DYSF: variants seen among roughly 807,000 people sequenced by gnomAD.
DYSF encodes dystrophy-associated fer-1-like 1.
A neutral mutation model predicts 274.9 loss-of-function variants in DYSF; 212 were observed. The observed-to-expected ratio is 0.77, with a 90% CI of 0.69 to 0.86. The LOEUF is 0.86. Ranked by LOEUF, DYSF falls within the 40% of genes least tolerant of loss-of-function variation. The pLI, the probability that DYSF is intolerant of heterozygous loss-of-function variation, is 0.00. For missense variants in DYSF, 2,666 were observed against 2,783.2 expected, an observed-to-expected ratio of 0.96 and a Z score of 0.95; for synonymous variants, 1,091 against 1,078.7, an observed-to-expected ratio of 1.01 and a Z score of -0.22.
At chr2:71,485,864 A>G (rs2083316976) in intron 3 of DYSF, among the ~76,000 whole-genome samples, 2 of 152,168 alleles carry the variant, frequency 1.3e-5, no homozygotes, top group African/African-American at 4.8e-5. Context: ...CCCAGGCTGC[A>G]GTGCAGTGGT....
intron 13 of DYSF, 70 bp downstream of exon 13, chr2:71,526,416 G>GGGGGGGGGT (rs2152748908): frequency 1.9e-6 from 1 of 513,688 alleles, no homozygotes; most frequent in Non-Finnish European, 3.7e-6. Flanking sequence ...GGGGGTGGGC[G>GGGGGGGGGT]ATGGCGGGCG....
At chr2:71,539,842 C>G (rs2089758004) in intron 17 of DYSF, among the ~76,000 whole-genome samples, 1 of 152,146 alleles carries the variant, frequency 6.6e-6, no homozygotes, top group South Asian at 2.1e-4. Context: ...TGATACTTGA[C>G]AATACAACAT....
chr2:71,456,679 G>A, intron 1 of DYSF, among the ~76,000 whole-genome samples: 1 of 152,152 alleles, frequency 6.6e-6, no homozygotes, highest in African/African-American at 2.4e-5. Flanking sequence ...GCTTTGTGAG[G>A]TAGAGGGCAA....
At chr2:71,576,181 G>A (rs868829484) in intron 30 of DYSF, 1 of 152,436 alleles carries the variant, frequency 6.6e-6, no homozygotes, top group Non-Finnish European at 1.5e-5. Flanking sequence ...CCTTCTCTGT[G>A]ATTGACAGTG....
chr2:71,534,892 C>T (rs2089149956), intron 14 of DYSF, 129 bp from the exon 15 acceptor site: 1 of 923,124 alleles, frequency 1.1e-6, no homozygotes. Flanking sequence ...GCCCCAACCC[C>T]AGGGTCTTAC....
At chr2:71,670,558 C>T (rs917219879) in intron 51 of DYSF, among the ~76,000 whole-genome samples, 2 of 152,266 alleles carry the variant, frequency 1.3e-5, no homozygotes, top group African/African-American at 4.8e-5. Context: ...TCCACTCCCA[C>T]CTCTCACTAC....
chr2:71,568,002 A>G lies in DYSF; in HGVS notation c.2617A>G (p.Lys873Glu). The stretch of plus-strand genomic sequence containing the variant: ...CCGGATGCCAGTGCAGATACGGGTC[A>G]AGCTGTGGTTTGGGCTCTCAGTGGA... ...GARMPVQIRV[K>E]LWFGLSVDEK... Residue 873 changes from lysine (K) to glutamate (E), a missense_variant, in exon 25 of 56, where the codon AAG (lysine) becomes GAG (glutamate). By Grantham distance (56) the Lys-to-Glu change is moderately conservative. Transcript: ENST00000410020. 6.2e-7 allele frequency: 1 copy of G among 1,614,060 alleles called. No homozygotes were observed. Among genetic ancestry groups the G allele is most frequent in the Non-Finnish European group, 8.5e-7 (1 of 1,180,004 alleles).
At chr2:71,644,154 A>G (rs2094531282) in intron 42 of DYSF, 91 bp downstream of exon 42, 4 of 1,099,382 alleles carry the variant, frequency 3.6e-6, no homozygotes, top group Admixed American at 4.0e-5. Context: ...CAGTAGATGT[A>G]TTTGCATTTG....
intron 1 of DYSF, among the ~76,000 whole-genome samples, chr2:71,456,746 G>A (rs975871790): frequency 6.6e-6 from 1 of 152,086 alleles, no homozygotes; most frequent in Non-Finnish European, 1.5e-5. Flanking sequence ...AAGGAGCCTG[G>A]CCAAGGTCAC....
At chr2:71,493,550 A>G (rs2084070106) in intron 3 of DYSF, among the ~76,000 whole-genome samples, 1 of 152,216 alleles carries the variant, frequency 6.6e-6, no homozygotes, top group African/African-American at 2.4e-5. Flanking sequence ...TTAAGGAGGT[A>G]AAGAAACACA....
At chr2:71,476,002 C>A (rs573032527) in intron 1 of DYSF, among the ~76,000 whole-genome samples, 2 of 152,076 alleles carry the variant, frequency 1.3e-5, no homozygotes, top group African/African-American at 4.8e-5. Context: ...GAACTCCTGT[C>A]CTCAGGCGAT....
Position 71,602,766 on chromosome 2 carries a change from T to C in DYSF, c.3928-10T>C, listed in dbSNP as rs1558589946. 10 of 1,612,966 alleles carry C rather than the reference T, an allele frequency of 6.2e-6. No homozygotes were observed. Among genetic ancestry groups the C allele is most frequent in the South Asian group, 1.1e-5 (1 of 90,646 alleles). On this transcript the variant is annotated splice_polypyrimidine_tract_variant and intron_variant, in intron 35 of 55. Coordinates refer to ENST00000410020, the MANE Select transcript of DYSF (RefSeq NM_001130987.2). The stretch of plus-strand genomic sequence containing the variant: ...TCCTGGATGTGCCACATCCCATGGC[T>C]GTGGGCCAGGTGCAGGAGACATCAA...
intron 40 of DYSF, among the ~76,000 whole-genome samples, chr2:71,617,821 A>G (rs1389510692): frequency 1.1e-5 from 1 of 93,178 alleles, no homozygotes; most frequent in African/African-American, 4.3e-5. Context: ...TGTGTGTGGT[A>G]GAGGTGGGGT....
chr2:71,514,147 TAAA>T (rs5832057), intron 7 of DYSF, among the ~76,000 whole-genome samples: 7 of 125,132 alleles, frequency 5.6e-5, no homozygotes, highest in Non-Finnish European at 6.5e-5. Flanking sequence ...GTTTTGCGCT[TAAA>T]AAAAAAAAAA....
chr2:71,535,102 C>A lies in DYSF; in HGVS notation c.1449+13C>A. 6.2e-7 allele frequency: 1 copy of A among 1,613,692 alleles called. No homozygotes were observed. Among genetic ancestry groups the A allele is most frequent in the Non-Finnish European group, 8.5e-7 (1 of 1,179,858 alleles). ...ACTGCCTGCCATGGTGAGCCTCCTG[C>A]CCCCAGCAAACCCAAGGAGGCCCCT... On this transcript the variant is annotated intron_variant, in intron 15 of 55. Transcript: ENST00000410020.
chr2:71,686,264 C>T (rs1211900745), intron 55 of DYSF, among the ~76,000 whole-genome samples, 190 bp from the exon 56 acceptor site: 1 of 152,132 alleles, frequency 6.6e-6, no homozygotes. Context: ...TTGAGCCCCA[C>T]ATGGTATGGA....
intron 20 of DYSF, 60 bp from the exon 21 acceptor site, chr2:71,553,747 A>AGGCCCAAACCC: frequency 1.1e-6 from 1 of 872,682 alleles, no homozygotes. Flanking sequence ...CACTCTTAGC[A>AGGCCCAAACCC]CCCCATCCCA....
intron 1 of DYSF, among the ~76,000 whole-genome samples, chr2:71,454,498 C>T (rs996768184): frequency 1.3e-5 from 2 of 152,216 alleles, no homozygotes; most frequent in Non-Finnish European, 2.9e-5. Flanking sequence ...CTTCCCGCCC[C>T]GATCTGCGCC....
intron 1 of DYSF, among the ~76,000 whole-genome samples, chr2:71,459,602 T>C (rs1321330498): frequency 6.6e-6 from 1 of 152,162 alleles, no homozygotes; most frequent in Non-Finnish European, 1.5e-5. Flanking sequence ...TAAATCCAGA[T>C]TTATACGGAA....
Sources: allele counts gnomAD v4.1 joint callset (sites outside exome capture counted in the v4.1 genomes callset), GRCh38; gene constraint gnomAD v4.1.1; transcripts MANE v1.5; gene names NCBI Gene and HGNC (gene_info 2026-07-23, HGNC 2026-07-21).